The following NELL1 variants were observed in gnomAD, a reference collection of about 807,000 sequenced individuals.
The protein encoded by NELL1 is protein kinase C-binding protein NELL1.
In NELL1, 76 loss-of-function variants were observed where a neutral mutation model predicts 107.4. The observed-to-expected ratio is 0.71, with a 90% CI of 0.59 to 0.86. The LOEUF is 0.86. Ranked by LOEUF, NELL1 falls within the 40% of genes least tolerant of loss-of-function variation. The pLI, the probability that NELL1 is intolerant of heterozygous loss-of-function variation, is 0.00. For missense variants in NELL1, 1,024 were observed against 1,005.5 expected (o/e 1.02, Z -0.25); for synonymous variants, 353 against 341.2 (o/e 1.03, Z -0.38).
At chr11:20,908,388 T>C (rs1835290) in intron 5 of NELL1, among the ~76,000 whole-genome samples, 141,012 of 152,236 alleles carry the variant, frequency 0.93, 65,433 homozygotes, top group East Asian at 1. Context: ...AAAAGGGACA[T>C]GATCATGTTC....
intron 12 of NELL1, among the ~76,000 whole-genome samples, chr11:20,996,007 AT>A (rs1309966837): frequency 6.6e-6 from 1 of 152,196 alleles, no homozygotes; most frequent in East Asian, 1.9e-4. Context: ...ACAGGGGTTT[AT>A]TTTTACTTAA....
chr11:21,270,808 CAG>C (rs1848723852), intron 14 of NELL1, among the ~76,000 whole-genome samples: 1 of 152,010 alleles, frequency 6.6e-6, no homozygotes, highest in Non-Finnish European at 1.5e-5. Context: ...TTTAAAAGAA[CAG>C]AAATTATCAT....
chr11:21,412,457 G>A (rs1852402074), intron 15 of NELL1, among the ~76,000 whole-genome samples: 1 of 151,996 alleles, frequency 6.6e-6, no homozygotes, highest in South Asian at 2.1e-4. Context: ...CATTTTATAG[G>A]CAAAGAAACT....
chr11:21,110,086 G>A (rs536605782), intron 12 of NELL1, among the ~76,000 whole-genome samples: 2 of 152,182 alleles, frequency 1.3e-5, no homozygotes, highest in African/African-American at 4.8e-5. Flanking sequence ...TTTACCACAA[G>A]ATAGCTTTTA....
intron 2 of NELL1, among the ~76,000 whole-genome samples, chr11:20,691,823 C>CT (rs535189424): frequency 6.6e-6 from 1 of 152,096 alleles, no homozygotes; most frequent in Non-Finnish European, 1.5e-5. Context: ...AGGATTCCCT[C>CT]TTTTTCTATT....
intron 12 of NELL1, among the ~76,000 whole-genome samples, chr11:21,091,935 T>G (rs1390779620): frequency 6.6e-6 from 1 of 152,112 alleles, no homozygotes; most frequent in African/African-American, 2.4e-5. Flanking sequence ...AGTGTAAGGA[T>G]GGAGGATGGG....
chr11:20,846,497 C>A (rs11025787), intron 3 of NELL1, among the ~76,000 whole-genome samples: 2 of 152,106 alleles, frequency 1.3e-5, no homozygotes, highest in Non-Finnish European at 2.9e-5. Flanking sequence ...CTAGGCTAAT[C>A]GCTCTGGAGT....
intron 12 of NELL1, among the ~76,000 whole-genome samples, chr11:20,980,771 C>A (rs753080935): frequency 1.7e-4 from 26 of 152,132 alleles, no homozygotes; most frequent in Non-Finnish European, 2.8e-4. Context: ...AGTCCAAGGC[C>A]CTGGGATTCT....
At chr11:21,284,747 T>C in intron 14 of NELL1, 1 of 346,126 alleles carries the variant, frequency 2.9e-6, no homozygotes, top group Non-Finnish European at 5.7e-6. Flanking sequence ...TCAATACAAA[T>C]CTGGCAAACC....
At chr11:21,005,506 G>T (rs1852309830) in intron 12 of NELL1, among the ~76,000 whole-genome samples, 1 of 152,090 alleles carries the variant, frequency 6.6e-6, no homozygotes, top group African/African-American at 2.4e-5. Flanking sequence ...ACAGCACAGG[G>T]GTGCTGCTGC....
intron 15 of NELL1, among the ~76,000 whole-genome samples, chr11:21,486,812 T>C (rs1315752264): frequency 6.6e-6 from 1 of 151,984 alleles, no homozygotes; most frequent in African/African-American, 2.4e-5. Context: ...ACTGAAGAAA[T>C]CATTGAATGA....
chr11:20,745,302 C>G (rs1297749156), intron 2 of NELL1, among the ~76,000 whole-genome samples: 1 of 152,074 alleles, frequency 6.6e-6, no homozygotes, highest in Non-Finnish European at 1.5e-5. Flanking sequence ...CACATTGATC[C>G]AAGTATGTAT....
intron 12 of NELL1, among the ~76,000 whole-genome samples, chr11:21,098,341 T>C (rs1854704685): frequency 6.6e-6 from 1 of 152,230 alleles, no homozygotes; most frequent in Admixed American, 6.5e-5. Flanking sequence ...TTCGTACATG[T>C]CAGGGTCCTT....
intron 12 of NELL1, among the ~76,000 whole-genome samples, chr11:21,063,340 T>G (rs1324374888): frequency 6.6e-6 from 1 of 152,122 alleles, no homozygotes; most frequent in Non-Finnish European, 1.5e-5. Flanking sequence ...TCCAGAGGTT[T>G]TATTGGAGTT....
chr11:20,921,326 AT>A (rs1850371862), intron 7 of NELL1, among the ~76,000 whole-genome samples: 1 of 152,142 alleles, frequency 6.6e-6, no homozygotes, highest in Non-Finnish European at 1.5e-5. Flanking sequence ...AAGCTTTTAT[AT>A]CCCCTGTCAC....
chr11:21,177,825 A>T (rs913858228), intron 13 of NELL1, among the ~76,000 whole-genome samples: 2 of 151,772 alleles, frequency 1.3e-5, no homozygotes, highest in African/African-American at 4.9e-5. Context: ...GGTGTGAGGT[A>T]ATGTCTCATT....
chr11:21,560,682 G>T (rs1856828067), intron 17 of NELL1, among the ~76,000 whole-genome samples: 1 of 152,054 alleles, frequency 6.6e-6, no homozygotes, highest in Admixed American at 6.6e-5. Flanking sequence ...TTTAAGGTTG[G>T]TTGGGTGAGA....
chr11:20,945,918 A>C (rs572210302), intron 10 of NELL1, among the ~76,000 whole-genome samples: 1 of 152,200 alleles, frequency 6.6e-6, no homozygotes, highest in Non-Finnish European at 1.5e-5. Context: ...GAAAGTTAAG[A>C]GTTACCTTGG....
chr11:21,102,664 A>T (rs954252649), intron 12 of NELL1, among the ~76,000 whole-genome samples: 4 of 152,306 alleles, frequency 2.6e-5, no homozygotes, highest in African/African-American at 7.2e-5. Context: ...GAGTTCTTTC[A>T]CTTAAAAAAT....
Sources: allele counts gnomAD v4.1 joint callset (sites outside exome capture counted in the v4.1 genomes callset), GRCh38; gene constraint gnomAD v4.1.1; transcripts MANE v1.5; gene names NCBI Gene and HGNC (gene_info 2026-07-23, HGNC 2026-07-21).